Variants in PAK3 observed in about 807,000 individuals in gnomAD.
PAK3 encodes p21 (RAC1) activated kinase 3.
In PAK3, 4 loss-of-function variants were observed where a neutral mutation model predicts 41.0. The observed-to-expected ratio is 0.10, with a 90% confidence interval of 0.05 to 0.22. PAK3 has a LOEUF of 0.22. Ranked by LOEUF, PAK3 falls within the 10% of genes least tolerant of loss-of-function variation. The pLI, the probability that PAK3 is intolerant of heterozygous loss-of-function variation, is 1.00. For synonymous variants in PAK3, 146 were observed against 139.6 expected (o/e 1.05, Z -0.32); for missense variants, 205 against 409.9 (o/e 0.50, Z 4.32).
intron 1 of PAK3, among the ~76,000 whole-genome samples, chrX:111,066,119 TC>T (rs2092699904): frequency 1.8e-5 from 2 of 111,927 alleles, no homozygotes; most frequent in Non-Finnish European, 3.8e-5. Context: ...TTCTTGTTTT[TC>T]TAGTTCCTCT....
At chrX:110,978,412 T>C (rs1022395469) in intron 1 of PAK3, among the ~76,000 whole-genome samples, 5 of 111,457 alleles carry the variant, frequency 4.5e-5, no homozygotes, top group Non-Finnish European at 7.5e-5. Flanking sequence ...TTAGATTTTA[T>C]CAATTGCTTT....
At chrX:111,215,501 C>T (rs1055973635) in intron 16 of PAK3, among the ~76,000 whole-genome samples, 2 of 110,242 alleles carry the variant, frequency 1.8e-5, no homozygotes, top group African/African-American at 6.6e-5. Flanking sequence ...GATCGTGCCC[C>T]GCACTCCAGC....
chrX:110,954,351 T>C (rs781418837), intron 1 of PAK3, among the ~76,000 whole-genome samples: 1 of 112,482 alleles, frequency 8.9e-6, no homozygotes, highest in South Asian at 3.7e-4. Flanking sequence ...TGTTGTCTCA[T>C]TTAATTTTCT....
intron 4 of PAK3, among the ~76,000 whole-genome samples, chrX:111,113,665 A>G (rs1372316813): frequency 1.8e-5 from 2 of 111,262 alleles, no homozygotes. Flanking sequence ...CATGTGCACA[A>G]CATGCAGGTT....
chrX:111,117,473 A>G lies in PAK3; in HGVS notation c.-27-5604A>G, dbSNP rs146304699. Among the ~76,000 whole-genome samples, 470 of 111,917 alleles carry G rather than the reference A, an allele frequency of 4.2e-3. 2 individuals carry two copies. The highest frequency in any genetic ancestry group is 5.1e-3 in the Non-Finnish European group (270 of 53,150). ...TTCGCAATGTTGATGTCAGGCTCAA[A>G]GAAGAGCAAGACGTGGAAGCCCTTT... On this transcript the variant is annotated intron_variant, in intron 4 of 17. Coordinates refer to ENST00000372007, the MANE Select transcript of PAK3 (RefSeq NM_002578.5).
intron 1 of PAK3, among the ~76,000 whole-genome samples, chrX:111,012,492 C>T (rs2092025457): frequency 9.0e-6 from 1 of 111,706 alleles, no homozygotes; most frequent in South Asian, 3.8e-4. Flanking sequence ...TTAGGCTCAA[C>T]CTTGAGAAAC....
intron 1 of PAK3, among the ~76,000 whole-genome samples, chrX:111,011,010 C>T (rs780586358): frequency 2.1e-4 from 24 of 112,028 alleles, no homozygotes; most frequent in African/African-American, 6.5e-4. Flanking sequence ...GCCTACCTAT[C>T]ACAGAGGTTG....
At chrX:111,172,270 G>A (rs192116880) in intron 10 of PAK3, among the ~76,000 whole-genome samples, 8 of 111,779 alleles carry the variant, frequency 7.2e-5, no homozygotes, top group Middle Eastern at 4.6e-3. Flanking sequence ...CATTCTGATC[G>A]GTCTGTAGTG....
At chrX:111,190,739 T>A (rs1384042580) in intron 11 of PAK3, among the ~76,000 whole-genome samples, 1 of 111,713 alleles carries the variant, frequency 9.0e-6, no homozygotes, top group Non-Finnish European at 1.9e-5. Flanking sequence ...AGGAAGTGCC[T>A]GACATAAGAA....
chrX:111,093,009 G>A (rs1481796083), upstream of PAK3, among the ~76,000 whole-genome samples: 1 of 111,565 alleles, frequency 9.0e-6, no homozygotes, highest in Non-Finnish European at 1.9e-5. Flanking sequence ...TTTTATCCAG[G>A]ATTTGACTGA....
intron 7 of PAK3, among the ~76,000 whole-genome samples, chrX:111,150,665 A>G (rs1019257405): frequency 1.6e-4 from 18 of 111,489 alleles, no homozygotes; most frequent in South Asian, 7.6e-4. Flanking sequence ...ACTATAATTC[A>G]ATTACCTCCC....
At chrX:111,141,690 T>C (rs1396039844) in intron 5 of PAK3, among the ~76,000 whole-genome samples, 2 of 112,016 alleles carry the variant, frequency 1.8e-5, no homozygotes, top group Non-Finnish European at 3.8e-5. Flanking sequence ...ACAATATCTT[T>C]ATTGAAAGCT....
At chrX:111,116,815 G>A (rs1202283093) in intron 4 of PAK3, among the ~76,000 whole-genome samples, 2 of 112,376 alleles carry the variant, frequency 1.8e-5, no homozygotes, top group Non-Finnish European at 3.8e-5. Context: ...TGTCAGCAGT[G>A]AGCTATCTCT....
At chrX:111,005,408 A>G (rs2091908039) in intron 1 of PAK3, among the ~76,000 whole-genome samples, 1 of 111,641 alleles carries the variant, frequency 9.0e-6, no homozygotes, top group Non-Finnish European at 1.9e-5. Context: ...CGGTAGACTG[A>G]CCAGCTAGAT....
At chrX:111,125,128 C>T (rs368420571) in intron 5 of PAK3, among the ~76,000 whole-genome samples, 79 of 111,739 alleles carry the variant, frequency 7.1e-4, no homozygotes, top group African/African-American at 2.4e-3. Context: ...ACTCCTACAT[C>T]GTTATTAATG....
At position 111,222,132 on chromosome X, in the gene PAK3, G is replaced by C. The variant is rs1422645461; in HGVS notation, c.*1685G>C. On this transcript the variant is annotated 3_prime_UTR_variant, in exon 18 of 18. Coordinates refer to ENST00000372007, the MANE Select transcript of PAK3 (RefSeq NM_002578.5). ...AAACTAACAATTTGTGTTATAGAAG[G>C]CTTCTTAATTTGCAGTATAAAAGAA... 9.0e-6 allele frequency: 1 copy of C among 111,619 alleles called. No individual in the cohort carries two copies. The highest frequency in any genetic ancestry group is 1.9e-5 in the Non-Finnish European group (1 of 53,031). 9.2% of individuals were successfully genotyped at this position (111,619 alleles called of 1,213,427 possible).
At chrX:111,054,983 T>C (rs1485699763) in intron 1 of PAK3, among the ~76,000 whole-genome samples, 1 of 112,326 alleles carries the variant, frequency 8.9e-6, no homozygotes, top group African/African-American at 3.2e-5. Context: ...CTATAACTGC[T>C]GCACCAAGCA....
chrX:110,958,964 G>A (rs1011891328), intron 1 of PAK3, among the ~76,000 whole-genome samples: 4 of 111,831 alleles, frequency 3.6e-5, no homozygotes, highest in Non-Finnish European at 5.6e-5. Context: ...CAAATGTGAC[G>A]CACTCAATGA....
chrX:111,001,625 C>A (rs746699736), intron 1 of PAK3, among the ~76,000 whole-genome samples: 1 of 112,039 alleles, frequency 8.9e-6, no homozygotes. Flanking sequence ...CAAAAATTCT[C>A]GACTTATTCA....
Sources: gnomAD v4.1 joint callset for allele counts (sites outside exome capture counted in the v4.1 genomes callset) on GRCh38, gnomAD v4.1.1 for gene constraint, MANE v1.5 for transcripts, NCBI Gene and HGNC (gene_info 2026-07-23, HGNC 2026-07-21) for gene names.